Variants in ARHGAP24 observed in about 807,000 individuals in gnomAD.
The protein encoded by ARHGAP24 is Rho GTPase activating protein 24, also known as rho GTPase-activating protein 24.
ARHGAP24 carries 50 observed loss-of-function variants against 76.4 expected under a neutral mutation model. The ratio of observed to expected loss-of-function variants is 0.65; its 90% confidence interval spans 0.52 to 0.83. The LOEUF (loss-of-function observed/expected upper bound fraction) is 0.83. ARHGAP24 is among the 40% of genes least tolerant of loss of function. ARHGAP24 has a pLI of 0.00. For synonymous variants in ARHGAP24, 345 were observed against 323.3 expected (o/e 1.07, Z -0.72); for missense variants, 930 against 914.2 (o/e 1.02, Z -0.22).
At chr4:85,763,119 A>C (rs992249632) in intron 3 of ARHGAP24, among the ~76,000 whole-genome samples, 1 of 152,196 alleles carries the variant, frequency 6.6e-6, no homozygotes, top group Non-Finnish European at 1.5e-5. Context: ...TATATTTTAT[A>C]GTTGCAGGAA....
chr4:85,915,909 G>A (rs1735359465), intron 3 of ARHGAP24, among the ~76,000 whole-genome samples: 1 of 152,208 alleles, frequency 6.6e-6, no homozygotes, highest in African/African-American at 2.4e-5. Context: ...ATAGCAGAAT[G>A]ATTTATAATC....
chr4:85,865,738 G>A (rs997883416), intron 3 of ARHGAP24, among the ~76,000 whole-genome samples: 2 of 151,554 alleles, frequency 1.3e-5, no homozygotes, highest in Non-Finnish European at 2.9e-5. Flanking sequence ...TTCAATTAAG[G>A]ATTATTTATA....
intron 3 of ARHGAP24, among the ~76,000 whole-genome samples, chr4:85,851,627 C>G (rs551065043): frequency 1.0e-3 from 154 of 152,246 alleles, no homozygotes; most frequent in African/African-American, 3.7e-3. Context: ...TTCAGGAGCT[C>G]TTGTAAGGCA....
At chr4:85,759,007 T>C (rs1726633836) in intron 3 of ARHGAP24, among the ~76,000 whole-genome samples, 1 of 152,214 alleles carries the variant, frequency 6.6e-6, no homozygotes, top group African/African-American at 2.4e-5. Flanking sequence ...GCATGAACTG[T>C]ATAACTCAGC....
intron 3 of ARHGAP24, among the ~76,000 whole-genome samples, chr4:85,771,371 G>A (rs1727124170): frequency 6.6e-6 from 1 of 152,200 alleles, no homozygotes; most frequent in Non-Finnish European, 1.5e-5. Flanking sequence ...ATGTCTGAGA[G>A]GAGAAAATAA....
chr4:85,885,932 C>G (rs1337108265), intron 3 of ARHGAP24, among the ~76,000 whole-genome samples: 1 of 152,128 alleles, frequency 6.6e-6, no homozygotes, highest in Non-Finnish European at 1.5e-5. Context: ...GAATCCCGCA[C>G]AGAGAAATTT....
At chr4:85,625,006 A>T (rs986149141) in intron 2 of ARHGAP24, among the ~76,000 whole-genome samples, 2 of 151,360 alleles carry the variant, frequency 1.3e-5, no homozygotes, top group African/African-American at 4.9e-5. Flanking sequence ...AATTTTGTTG[A>T]TCTTTTCAAA....
chr4:85,984,155 A>G (rs911407458), intron 8 of ARHGAP24, among the ~76,000 whole-genome samples: 2 of 152,180 alleles, frequency 1.3e-5, no homozygotes, highest in African/African-American at 4.8e-5. Flanking sequence ...GTAGGGAATT[A>G]TGGTATTTTT....
At chr4:85,678,841 T>C (rs1467920292) in intron 2 of ARHGAP24, among the ~76,000 whole-genome samples, 1 of 152,156 alleles carries the variant, frequency 6.6e-6, no homozygotes, top group Non-Finnish European at 1.5e-5. Flanking sequence ...ATGGACATTT[T>C]GTTATAGGAA....
chr4:85,995,490 C>G lies in ARHGAP24; in HGVS notation c.1836C>G (p.Asp612Glu), dbSNP rs966184504. 5 of 1,601,972 alleles carry G rather than the reference C, an allele frequency of 3.1e-6. No individual in the cohort carries two copies. The highest frequency in any genetic ancestry group is 4.3e-6 in the Non-Finnish European group (5 of 1,173,258). Reference sequence around the variant, plus strand: ...CCAGGGACTATGAAAGCAAAAGTGACCACAGGAGTGTGGGAGGTCGAAGTA... The same window carrying G: ...CCAGGGACTATGAAAGCAAAAGTGAGCACAGGAGTGTGGGAGGTCGAAGTA... ...SHPRDYESKS[D>E]HRSVGGRSSR... Residue 612 changes from aspartate to glutamate, a missense_variant, in exon 9 of 10, where the codon GAC becomes GAG. Asp to Glu is a conservative substitution (Grantham distance 45, BLOSUM62 2). Coordinates refer to ENST00000395184, the MANE Select transcript of ARHGAP24 (RefSeq NM_001025616.3).
chr4:85,717,962 G>A (rs1399675280), intron 2 of ARHGAP24, among the ~76,000 whole-genome samples: 2 of 152,058 alleles, frequency 1.3e-5, no homozygotes, highest in Non-Finnish European at 2.9e-5. Flanking sequence ...GTTAGATTGG[G>A]CACCTGACTT....
intron 2 of ARHGAP24, among the ~76,000 whole-genome samples, chr4:85,633,024 GT>G (rs566706629): frequency 9.8e-4 from 148 of 151,366 alleles, no homozygotes; most frequent in African/African-American, 3.4e-3. Context: ...TAATAACATT[GT>G]TGTCTAGCAC....
At chr4:85,554,897 T>G (rs1056310297) in intron 1 of ARHGAP24, among the ~76,000 whole-genome samples, 1 of 151,712 alleles carries the variant, frequency 6.6e-6, no homozygotes, top group Non-Finnish European at 1.5e-5. Context: ...AGCCAGGATG[T>G]TCTCAATCTC....
rs1731629745 is a variant in ARHGAP24 at position 85,857,260 on chromosome 4, A to G, written c.269-66388A>G. Among the ~76,000 whole-genome samples, 4 of 152,346 alleles carry G rather than the reference A, an allele frequency of 2.6e-5. No homozygotes were observed. The South Asian group carries it at 8.3e-4, about 32-fold the overall frequency. On this transcript the variant is annotated intron_variant, in intron 3 of 9. Coordinates refer to ENST00000395184, the MANE Select transcript of ARHGAP24 (RefSeq NM_001025616.3). ...CCTTAGCGTTTCAAGATGGAAGGAA[A>G]GCAGAACAAAGGTTCTTTCATAAAT...
At chr4:85,583,369 AT>A (rs1253528475) in intron 2 of ARHGAP24, among the ~76,000 whole-genome samples, 1 of 152,116 alleles carries the variant, frequency 6.6e-6, no homozygotes, top group East Asian at 1.9e-4. Flanking sequence ...TATTCTATTA[AT>A]TCTCACAACA....
intron 2 of ARHGAP24, chr4:85,604,012 TG>T (rs1720114142): frequency 2.0e-5 from 3 of 152,212 alleles, no homozygotes; most frequent in Admixed American, 2.0e-4. Flanking sequence ...TTGCAAGTCC[TG>T]AAAAGGCAGG....
At chr4:85,991,586 T>C (rs1249143638) in intron 8 of ARHGAP24, 2 of 152,132 alleles carry the variant, frequency 1.3e-5, no homozygotes, top group Non-Finnish European at 2.9e-5. Flanking sequence ...AAGTGGAAAA[T>C]ACCTAGACAT....
At chr4:85,666,657 G>T (rs1030595586) in intron 2 of ARHGAP24, among the ~76,000 whole-genome samples, 1 of 152,154 alleles carries the variant, frequency 6.6e-6, no homozygotes, top group Admixed American at 6.5e-5. Context: ...TGATGGTGAT[G>T]TACAGATGGG....
intron 3 of ARHGAP24, among the ~76,000 whole-genome samples, chr4:85,865,916 G>A (rs1215620104): frequency 6.6e-6 from 1 of 151,880 alleles, no homozygotes; most frequent in Non-Finnish European, 1.5e-5. Flanking sequence ...TGAAAAACAA[G>A]ACAAAAGAAA....
Sources: allele counts gnomAD v4.1 joint callset (sites outside exome capture counted in the v4.1 genomes callset), GRCh38; gene constraint gnomAD v4.1.1; transcripts MANE v1.5; gene names NCBI Gene and HGNC (gene_info 2026-07-23, HGNC 2026-07-21).